Variants in SEMA3A observed in about 807,000 individuals in gnomAD.
SEMA3A encodes the protein semaphorin-3A.
A neutral mutation model predicts 97.9 loss-of-function variants in SEMA3A; 29 were observed. That is an observed-to-expected ratio of 0.30 (90% CI 0.22 to 0.40). The LOEUF (loss-of-function observed/expected upper bound fraction) is 0.40, where lower values mean the gene tolerates loss of function less well. SEMA3A is among the 10% of genes least tolerant of loss of function. SEMA3A has a pLI of 1.00. For synonymous variants in SEMA3A, 321 were observed against 323.7 expected, an observed-to-expected ratio of 0.99 and a Z score of 0.09; for missense variants, 763 against 951.3, an observed-to-expected ratio of 0.80 and a Z score of 2.60.
At chr7:84,359,859 A>G (rs986046552) in intron 2 of SEMA3A, among the ~76,000 whole-genome samples, 3 of 151,926 alleles carry the variant, frequency 2.0e-5, no homozygotes, top group African/African-American at 7.3e-5. Flanking sequence ...TTTCTGGTTT[A>G]GTCTTGGGAG....
At chr7:84,125,721 G>A (rs1373265909) in intron 3 of SEMA3A, among the ~76,000 whole-genome samples, 2 of 152,190 alleles carry the variant, frequency 1.3e-5, no homozygotes, top group Non-Finnish European at 2.9e-5. Context: ...CAAAGATAGA[G>A]AGGGAGAGAG....
chr7:84,283,574 A>T (rs1800505374), intron 3 of SEMA3A, among the ~76,000 whole-genome samples: 1 of 152,288 alleles, frequency 6.6e-6, no homozygotes, highest in South Asian at 2.1e-4. Context: ...TGTGGCAAAA[A>T]AAAAAGAGGA....
At chr7:84,229,997 C>T (rs1392252215) in intron 3 of SEMA3A, among the ~76,000 whole-genome samples, 3 of 151,952 alleles carry the variant, frequency 2.0e-5, no homozygotes, top group African/African-American at 7.2e-5. Context: ...TTACTCTACT[C>T]AGTTCTCTTC....
chr7:84,449,124 A>T (rs1805498039), intron 1 of SEMA3A, among the ~76,000 whole-genome samples: 1 of 152,216 alleles, frequency 6.6e-6, no homozygotes. Flanking sequence ...ACCTAACACC[A>T]TATACAAAAA....
At chr7:83,978,841 T>G (rs6968044) in intron 14 of SEMA3A, among the ~76,000 whole-genome samples, 1 of 152,158 alleles carries the variant, frequency 6.6e-6, no homozygotes, top group African/African-American at 2.4e-5. Context: ...CTAAACATCC[T>G]TTTTAAAGAC....
At chr7:84,039,807 TTTAA>T (rs1281979932) in intron 6 of SEMA3A, among the ~76,000 whole-genome samples, 4 of 152,068 alleles carry the variant, frequency 2.6e-5, no homozygotes, top group Non-Finnish European at 5.9e-5. Context: ...TAAAATAAAT[TTTAA>T]TTAATAAAAA....
At chr7:84,122,454 A>C (rs13228833) in intron 3 of SEMA3A, among the ~76,000 whole-genome samples, 61,279 of 151,890 alleles carry the variant, frequency 0.4, 14,161 homozygotes, top group Admixed American at 0.51. Context: ...GCAAAAAGCT[A>C]GTCAGGGCGT....
At chr7:84,211,487 G>A (rs935105887) in intron 3 of SEMA3A, among the ~76,000 whole-genome samples, 1 of 151,834 alleles carries the variant, frequency 6.6e-6, no homozygotes, top group African/African-American at 2.4e-5. Flanking sequence ...CGGGCATGCT[G>A]GTGCATGCCT....
At chr7:84,447,256 C>T (rs1462654513) in intron 1 of SEMA3A, among the ~76,000 whole-genome samples, 1 of 152,136 alleles carries the variant, frequency 6.6e-6, no homozygotes, top group African/African-American at 2.4e-5. Flanking sequence ...CCTGCAGGCA[C>T]CCTTTGGGAC....
chr7:84,329,491 G>T (rs1056357554), intron 2 of SEMA3A, among the ~76,000 whole-genome samples: 1 of 151,976 alleles, frequency 6.6e-6, no homozygotes, highest in Non-Finnish European at 1.5e-5. Context: ...GTGGCCCACG[G>T]GAGCCAAAAG....
intron 1 of SEMA3A, among the ~76,000 whole-genome samples, chr7:84,378,298 T>G (rs1460755867): frequency 6.6e-6 from 1 of 152,042 alleles, no homozygotes; most frequent in Admixed American, 6.6e-5. Context: ...AGCAAAGACT[T>G]GGAACCAACC....
At chr7:84,457,481 T>C (rs1490258340) in intron 1 of SEMA3A, among the ~76,000 whole-genome samples, 1 of 151,914 alleles carries the variant, frequency 6.6e-6, no homozygotes, top group Non-Finnish European at 1.5e-5. Flanking sequence ...AATTCAAAAA[T>C]AGTGCTTACG....
chr7:83,991,517 T>G (rs1283786069), intron 12 of SEMA3A, among the ~76,000 whole-genome samples: 1 of 151,414 alleles, frequency 6.6e-6, no homozygotes, highest in Non-Finnish European at 1.5e-5. Context: ...TTATTGAGAG[T>G]TTTTAGCATG....
At chr7:83,976,199 G>T (rs911649753) in intron 15 of SEMA3A, among the ~76,000 whole-genome samples, 1 of 152,040 alleles carries the variant, frequency 6.6e-6, no homozygotes, top group Non-Finnish European at 1.5e-5. Flanking sequence ...GTATGCTGGG[G>T]TTCTATGTGT....
chr7:84,182,303 G>A (rs1438740776), intron 1 of SEMA3A, among the ~76,000 whole-genome samples: 1 of 152,152 alleles, frequency 6.6e-6, no homozygotes, highest in South Asian at 2.1e-4. Flanking sequence ...TCCTTAAGTT[G>A]TCATGAAGGA....
chr7:84,148,159 C>T (rs1796520299), intron 1 of SEMA3A, among the ~76,000 whole-genome samples: 1 of 152,180 alleles, frequency 6.6e-6, no homozygotes, highest in Admixed American at 6.5e-5. Context: ...AGGTTATCCA[C>T]TCACCTTGGC....
chr7:84,479,035 A>G lies in SEMA3A; in HGVS notation c.-246+13425T>C, dbSNP rs1245703841. Among the ~76,000 whole-genome samples the G allele has an allele frequency of 2.0e-5, 3 of 152,160 alleles. No individual in the cohort carries two copies. The East Asian group carries it at 5.8e-4, about 29-fold the overall frequency. On this transcript the variant is annotated intron_variant, in intron 1 of 3. Transcript: ENST00000424555. The stretch of plus-strand genomic sequence containing the variant: ...CCCAATTTCTTATCTTTCTTTGGAC[A>G]TCTGGAAAATACATTAGTAACTATA...
chr7:84,064,068 C>A (rs777222647), intron 4 of SEMA3A, among the ~76,000 whole-genome samples: 1 of 152,186 alleles, frequency 6.6e-6, no homozygotes, highest in Non-Finnish European at 1.5e-5. Flanking sequence ...AACAGCTGAT[C>A]GCTCAGCAGA....
chr7:84,035,795 A>G (rs557773680), intron 6 of SEMA3A, among the ~76,000 whole-genome samples: 1 of 152,130 alleles, frequency 6.6e-6, no homozygotes, highest in Admixed American at 6.5e-5. Flanking sequence ...TCTAAACACC[A>G]ATCTACTTTT....
Sources: allele counts gnomAD v4.1 joint callset (sites outside exome capture counted in the v4.1 genomes callset), GRCh38; gene constraint gnomAD v4.1.1; transcripts MANE v1.5; gene names NCBI Gene and HGNC (gene_info 2026-07-23, HGNC 2026-07-21).